Variants in GNG4 observed in about 807,000 individuals in gnomAD.
GNG4 encodes G protein subunit gamma 4.
A neutral mutation model predicts 5.8 loss-of-function variants in GNG4; 4 were observed. The observed-to-expected ratio is 0.69, with a 90% CI of 0.34 to 1.57. The LOEUF is 1.57. GNG4 is among the 40% of genes most tolerant of loss of function. GNG4 has a pLI of 0.06. For synonymous variants in GNG4, 29 were observed against 32.9 expected (o/e 0.88, Z 0.41); for missense variants, 96 against 95.1 (o/e 1.01, Z -0.04).
intron 1 of GNG4, among the ~76,000 whole-genome samples, chr1:235,610,263 TGC>T (rs1297197912): frequency 6.6e-6 from 1 of 152,230 alleles, no homozygotes; most frequent in Non-Finnish European, 1.5e-5. Flanking sequence ...TGTTATCCTT[TGC>T]CAGGAACATC....
At chr1:235,607,224 G>A (rs1688382494) in intron 1 of GNG4, among the ~76,000 whole-genome samples, 1 of 152,114 alleles carries the variant, frequency 6.6e-6, no homozygotes, top group Admixed American at 6.5e-5. Flanking sequence ...TGGGATGACA[G>A]GTATGAACCA....
At chr1:235,556,142 C>T (rs1686900502) in intron 3 of GNG4, among the ~76,000 whole-genome samples, 1 of 151,822 alleles carries the variant, frequency 6.6e-6, no homozygotes, top group African/African-American at 2.4e-5. Context: ...GCTGGGATTA[C>T]AGGCATGAGC....
chr1:235,614,762 T>G (rs1311908463), intron 1 of GNG4: 3 of 152,336 alleles, frequency 2.0e-5, no homozygotes, highest in Non-Finnish European at 4.4e-5. Context: ...CTGAGGATCA[T>G]GCGTCACCCA....
chr1:235,555,859 T>C (rs2102911457), intron 3 of GNG4, among the ~76,000 whole-genome samples: 1 of 152,182 alleles, frequency 6.6e-6, no homozygotes, highest in South Asian at 2.1e-4. Context: ...TAAAATTTAC[T>C]CTTTTAGCAA....
intron 1 of GNG4, among the ~76,000 whole-genome samples, chr1:235,629,515 T>A (rs1187029020): frequency 6.6e-6 from 1 of 152,132 alleles, no homozygotes; most frequent in Non-Finnish European, 1.5e-5. Context: ...CCAACACTTC[T>A]TGTGAAAAGC....
chr1:235,564,289 G>C (rs1687140187), intron 3 of GNG4, among the ~76,000 whole-genome samples: 4 of 152,122 alleles, frequency 2.6e-5, no homozygotes, highest in Admixed American at 2.6e-4. Flanking sequence ...GGGGTGATGG[G>C]GGGAGGAAGG....
intron 2 of GNG4, among the ~76,000 whole-genome samples, chr1:235,588,533 G>A (rs546292774): frequency 6.6e-6 from 1 of 152,088 alleles, no homozygotes; most frequent in Non-Finnish European, 1.5e-5. Context: ...AACCTGCTTC[G>A]GTATGGACCC....
At chr1:235,638,598 A>C (rs1657205951) in intron 1 of GNG4, among the ~76,000 whole-genome samples, 1 of 151,840 alleles carries the variant, frequency 6.6e-6, no homozygotes. Flanking sequence ...TCAACCCATC[A>C]TCTAGGTTTT....
intron 2 of GNG4, among the ~76,000 whole-genome samples, chr1:235,593,767 C>T (rs188951249): frequency 6.6e-5 from 10 of 152,130 alleles, no homozygotes; most frequent in African/African-American, 9.6e-5. Flanking sequence ...GTTGTTCCTT[C>T]CTCCCAGTGG....
intron 1 of GNG4, among the ~76,000 whole-genome samples, chr1:235,627,865 G>A (rs1688848009): frequency 6.6e-6 from 1 of 152,190 alleles, no homozygotes; most frequent in Non-Finnish European, 1.5e-5. Context: ...ATTCAAGGAA[G>A]GGATGGGTGT....
Position 235,551,957 on chromosome 1 carries a change from G to A in GNG4, c.*152C>T, listed in dbSNP as rs1285975535. The stretch of plus-strand genomic sequence containing the variant: ...GGAAAAAAATGAAATTGAATGCCAC[G>A]AAGAAAACAGATGGAAACATAAGAC... On this transcript the variant is annotated 3_prime_UTR_variant, in exon 4 of 4. Coordinates refer to ENST00000391854, the MANE Select transcript of GNG4 (RefSeq NM_001098722.2). 2.7e-5 allele frequency: 15 copies of A among 552,426 alleles called. No homozygotes were observed. The highest frequency in any genetic ancestry group is 1.7e-4 in the South Asian group (5 of 29,306). The allele number at this position is 552,426 out of a possible 1,614,324, so 34.2% of individuals were successfully genotyped here.
chr1:235,562,552 G>A (rs188710172), intron 3 of GNG4, among the ~76,000 whole-genome samples: 3 of 151,408 alleles, frequency 2.0e-5, no homozygotes, highest in East Asian at 1.9e-4. Flanking sequence ...GGCTGAGGCA[G>A]GAGAGTTGCT....
chr1:235,592,578 T>A (rs1223823436), intron 2 of GNG4, among the ~76,000 whole-genome samples: 1 of 151,940 alleles, frequency 6.6e-6, no homozygotes, highest in Non-Finnish European at 1.5e-5. Flanking sequence ...GAGCTAACAT[T>A]TTTTTTGCCG....
intron 1 of GNG4, among the ~76,000 whole-genome samples, chr1:235,627,917 A>G (rs566849080): frequency 1.3e-5 from 2 of 152,308 alleles, no homozygotes; most frequent in African/African-American, 4.8e-5. Context: ...GTGGTGGCTC[A>G]TGCCTATAAT....
chr1:235,606,409 T>C (rs1688361528), intron 1 of GNG4, among the ~76,000 whole-genome samples: 1 of 151,352 alleles, frequency 6.6e-6, no homozygotes, highest in Non-Finnish European at 1.5e-5. Context: ...AACAGACCAA[T>C]GAGGAAACCA....
At chr1:235,606,287 A>G (rs4659564) in intron 1 of GNG4, among the ~76,000 whole-genome samples, 3,824 of 152,120 alleles carry the variant, frequency 0.025, 68 homozygotes, top group East Asian at 0.072. Context: ...GAGGCTGAGG[A>G]AGGAGAATCG....
intron 2 of GNG4, among the ~76,000 whole-genome samples, chr1:235,588,539 G>A (rs537467143): frequency 4.6e-5 from 7 of 151,946 alleles, no homozygotes; most frequent in Non-Finnish European, 1.0e-4. Context: ...CTTCGGTATG[G>A]ACCCAACTCC....
At chr1:235,585,730 T>C (rs970692983) in intron 2 of GNG4, among the ~76,000 whole-genome samples, 3 of 152,108 alleles carry the variant, frequency 2.0e-5, no homozygotes, top group African/African-American at 4.8e-5. Flanking sequence ...ATTGTGGGGG[T>C]GTGTCTTCAA....
chr1:235,579,258 C>G (rs1232851271), intron 3 of GNG4, among the ~76,000 whole-genome samples: 1 of 152,016 alleles, frequency 6.6e-6, no homozygotes, highest in South Asian at 2.1e-4. Context: ...TGAGAGAATA[C>G]ATACATTAAA....
Sources: gnomAD v4.1 joint callset for allele counts (sites outside exome capture counted in the v4.1 genomes callset) on GRCh38, gnomAD v4.1.1 for gene constraint, MANE v1.5 for transcripts, NCBI Gene and HGNC (gene_info 2026-07-23, HGNC 2026-07-21) for gene names.